The following CDH8 variants were observed in gnomAD, a reference collection of about 807,000 sequenced individuals.
The protein encoded by CDH8 is cadherin 8, also known as cadherin-8.
CDH8 carries 17 observed loss-of-function variants against 68.1 expected under a neutral mutation model. That is an observed-to-expected ratio of 0.25 (90% CI 0.17 to 0.37). The LOEUF (loss-of-function observed/expected upper bound fraction) is 0.37. Ranked by LOEUF, CDH8 falls within the 10% of genes least tolerant of loss-of-function variation. The probability of loss-of-function intolerance (pLI) is 1.00; values close to 1 mark genes in which losing one functional copy is unlikely to be tolerated. For missense variants in CDH8, 763 were observed against 999.3 expected, an observed-to-expected ratio of 0.76 and a Z score of 3.19; for synonymous variants, 372 against 365.1, an observed-to-expected ratio of 1.02 and a Z score of -0.21.
At chr16:61,872,321 GT>G (rs1443500433) in intron 3 of CDH8, among the ~76,000 whole-genome samples, 5 of 152,166 alleles carry the variant, frequency 3.3e-5, no homozygotes, top group African/African-American at 9.7e-5. Context: ...TGTGCCCAAG[GT>G]GGTTGGGATA....
At chr16:61,985,027 G>C (rs573531606) in intron 2 of CDH8, among the ~76,000 whole-genome samples, 1 of 151,996 alleles carries the variant, frequency 6.6e-6, no homozygotes, top group Non-Finnish European at 1.5e-5. Context: ...ATTACTGAGT[G>C]AGTACAACTG....
chr16:62,021,711 A>G, intron 1 of CDH8, 109 bp from the exon 2 acceptor site: 1 of 469,378 alleles, frequency 2.1e-6, no homozygotes, highest in Non-Finnish European at 3.4e-6. Context: ...CACTTCTCAA[A>G]CTCTTGAGTT....
chr16:61,667,041 T>A (rs944620728), intron 10 of CDH8: 2 of 152,048 alleles, frequency 1.3e-5, no homozygotes, highest in Non-Finnish European at 2.9e-5. Context: ...TCTCCTTCAG[T>A]ACCATTATAA....
At chr16:61,727,815 G>A (rs866957237) in intron 8 of CDH8, among the ~76,000 whole-genome samples, 84 of 151,250 alleles carry the variant, frequency 5.6e-4, no homozygotes, top group South Asian at 1.9e-3. Context: ...TCATTTTCAT[G>A]AGGACTTTTA....
At chr16:61,735,727 A>G (rs975492905) in intron 8 of CDH8, among the ~76,000 whole-genome samples, 4 of 152,142 alleles carry the variant, frequency 2.6e-5, no homozygotes, top group African/African-American at 7.2e-5. Flanking sequence ...AAGATTTAAA[A>G]TAGGGAATTA....
chr16:61,673,166 C>T (rs1328108324), intron 10 of CDH8, among the ~76,000 whole-genome samples: 2 of 152,016 alleles, frequency 1.3e-5, no homozygotes, highest in Non-Finnish European at 2.9e-5. Flanking sequence ...CACAGAATTG[C>T]CTCTCTTATC....
chr16:61,772,343 T>C lies in CDH8; in HGVS notation c.1414+17003A>G, dbSNP rs72798715. Among the ~76,000 whole-genome samples, 261 of 152,140 alleles carry C rather than the reference T, an allele frequency of 1.7e-3. 2 individuals carry two copies. Among genetic ancestry groups the C allele is most frequent in the Non-Finnish European group, 3.3e-3 (223 of 67,958 alleles). ...CACTCACGGTATGTCTTAATAGCAA[T>C]TGGGTTTTCCCTAGGAGAATTGAGA... is the stretch of plus-strand genomic sequence containing the variant. On this transcript the variant is annotated intron_variant, in intron 8 of 11. Transcript: ENST00000577390.
intron 3 of CDH8, among the ~76,000 whole-genome samples, chr16:61,896,699 C>T (rs557730285): frequency 6.6e-6 from 1 of 152,310 alleles, no homozygotes; most frequent in African/African-American, 2.4e-5. Flanking sequence ...GTCACACAGA[C>T]ACCAGACATC....
intron 8 of CDH8, among the ~76,000 whole-genome samples, chr16:61,734,575 T>C (rs1022289924): frequency 1.3e-5 from 2 of 152,036 alleles, no homozygotes; most frequent in Admixed American, 6.6e-5. Flanking sequence ...CAAAGTCCCT[T>C]ACAAGCCCCA....
intron 3 of CDH8, among the ~76,000 whole-genome samples, chr16:61,864,236 C>T (rs1442982846): frequency 1.3e-5 from 2 of 152,040 alleles, no homozygotes; most frequent in African/African-American, 2.4e-5. Flanking sequence ...TACTGACTGT[C>T]ACATATTTCT....
In CDH8 at chr16:62,021,522, T is replaced by G; in HGVS notation, c.-119A>C. On this transcript the variant is annotated 5_prime_UTR_variant, in exon 2 of 12. Transcript: ENST00000577390. The stretch of plus-strand genomic sequence containing the variant: ...CATTTACTTACAGCTCTGCCACGTG[T>G]CTATAGCACGGGAAACAGACATCAT... 6.8e-7 allele frequency: 1 copy of G among 1,476,970 alleles called. No homozygotes were observed. Among genetic ancestry groups the G allele is most frequent in the East Asian group, 2.3e-5 (1 of 43,182 alleles). The allele number at this position is 1,476,970 out of a possible 1,614,324, so 91.5% of individuals were successfully genotyped here. A position where few individuals can be genotyped will look rare whatever the true frequency, so the allele number is the denominator to read the frequency against.
chr16:61,960,313 A>T lies in CDH8; in HGVS notation c.253-58840T>A, dbSNP rs191819235. Among the ~76,000 whole-genome samples the T allele has an allele frequency of 6.2e-5, 6 of 96,072 alleles. 2 individuals carry two copies. Among genetic ancestry groups the T allele is most frequent in the Non-Finnish European group, 1.1e-4 (6 of 53,332 alleles). The allele number at this position is 96,072 out of a possible 152,430, so 63.0% of individuals were successfully genotyped here. Reference sequence around the variant, plus strand: ...TATATACGTGTGTGTGTATACACACATATATACGTGTGTGTGTATACACAC... The same window carrying T: ...TATATACGTGTGTGTGTATACACACTTATATACGTGTGTGTGTATACACAC... On this transcript the variant is annotated intron_variant, in intron 2 of 11. Transcript: ENST00000577390.
intron 10 of CDH8, among the ~76,000 whole-genome samples, chr16:61,697,599 T>G (rs1375554048): frequency 6.6e-6 from 1 of 151,794 alleles, no homozygotes; most frequent in Non-Finnish European, 1.5e-5. Flanking sequence ...GCTCAAGCAA[T>G]TCTCATGTCT....
intron 2 of CDH8, among the ~76,000 whole-genome samples, chr16:61,983,726 C>T (rs1297245341): frequency 6.6e-6 from 1 of 152,014 alleles, no homozygotes; most frequent in Non-Finnish European, 1.5e-5. Flanking sequence ...GAAAGGATGG[C>T]TTAAACAATA....
chr16:61,955,423 T>C (rs1964970763), intron 2 of CDH8, among the ~76,000 whole-genome samples: 1 of 152,196 alleles, frequency 6.6e-6, no homozygotes, highest in South Asian at 2.1e-4. Flanking sequence ...TATGCCACCG[T>C]CCTTTTCTGT....
chr16:61,760,412 A>G lies in CDH8; in HGVS notation c.1414+28934T>C, dbSNP rs4270170. Among the ~76,000 whole-genome samples the G allele has an allele frequency of 0.022, 3,360 of 151,788 alleles. 255 individuals are homozygous for G. The East Asian group carries it at 0.23, about 10-fold the overall frequency. On this transcript the variant is annotated intron_variant, in intron 8 of 11. Transcript: ENST00000577390. ...CTGCAACCTCTGTCTCCTGGGTTCAAGTGATTCTCCTGCCTCAGCCTCCCA... is the reference window on the plus strand; with the variant it reads ...CTGCAACCTCTGTCTCCTGGGTTCAGGTGATTCTCCTGCCTCAGCCTCCCA...
At chr16:61,860,463 CAG>C (rs1963129303) in intron 3 of CDH8, among the ~76,000 whole-genome samples, 1 of 151,930 alleles carries the variant, frequency 6.6e-6, no homozygotes, top group Admixed American at 6.6e-5. Context: ...AAAAAGACAC[CAG>C]AGTTACCGAA....
chr16:61,803,483 A>C (rs1053198178), intron 7 of CDH8, among the ~76,000 whole-genome samples: 3 of 151,072 alleles, frequency 2.0e-5, no homozygotes, highest in Non-Finnish European at 2.9e-5. Context: ...CTTTAAATGT[A>C]AATGGACTAA....
intron 2 of CDH8, among the ~76,000 whole-genome samples, chr16:61,973,685 A>T (rs747202360): frequency 4.6e-5 from 7 of 152,238 alleles, no homozygotes; most frequent in Non-Finnish European, 8.8e-5. Flanking sequence ...AGGAAAACAA[A>T]GTCATGAAAA....
Sources: allele counts gnomAD v4.1 joint callset (sites outside exome capture counted in the v4.1 genomes callset), GRCh38; gene constraint gnomAD v4.1.1; transcripts MANE v1.5; gene names NCBI Gene and HGNC (gene_info 2026-07-23, HGNC 2026-07-21).